ROBO2: variants seen among roughly 807,000 people sequenced by gnomAD.
ROBO2 encodes roundabout homolog 2.
ROBO2 carries 53 observed loss-of-function variants against 160.8 expected under a neutral mutation model. The observed-to-expected ratio is 0.33, with a 90% CI of 0.26 to 0.41. The LOEUF is 0.41. Ranked by LOEUF, ROBO2 falls within the 10% of genes least tolerant of loss-of-function variation. The pLI is 1.00. For missense variants in ROBO2, 1,577 were observed against 1,722.4 expected, an observed-to-expected ratio of 0.92 and a Z score of 1.49; for synonymous variants, 664 against 611.7, an observed-to-expected ratio of 1.09 and a Z score of -1.26.
At chr3:76,362,299 G>T (rs1376741764) in intron 2 of ROBO2, among the ~76,000 whole-genome samples, 1 of 152,034 alleles carries the variant, frequency 6.6e-6, no homozygotes, top group Admixed American at 6.6e-5. Flanking sequence ...GGGATGTTGA[G>T]GCTGCTGTGA....
intron 2 of ROBO2, among the ~76,000 whole-genome samples, chr3:76,361,310 A>G (rs1402195909): frequency 6.6e-6 from 1 of 152,048 alleles, no homozygotes; most frequent in African/African-American, 2.4e-5. Context: ...TGCTTTTCCA[A>G]CTTAAATGAT....
At chr3:77,474,042 T>C (rs945079841) in intron 2 of ROBO2, among the ~76,000 whole-genome samples, 1 of 152,134 alleles carries the variant, frequency 6.6e-6, no homozygotes, top group Admixed American at 6.5e-5. Flanking sequence ...CCATTACCTC[T>C]GGCCCCTTCC....
At chr3:76,566,287 G>A (rs778912777) in intron 2 of ROBO2, among the ~76,000 whole-genome samples, 6 of 152,144 alleles carry the variant, frequency 3.9e-5, no homozygotes, top group Non-Finnish European at 7.3e-5. Context: ...AATAAACAGA[G>A]GGTTTCTAAA....
chr3:75,911,129 C>T (rs1946562857), intron 1 of ROBO2, among the ~76,000 whole-genome samples: 1 of 151,934 alleles, frequency 6.6e-6, no homozygotes, highest in Non-Finnish European at 1.5e-5. Flanking sequence ...TCAAAATTTG[C>T]AACCAAATAG....
chr3:77,321,155 T>C (rs1234999765), intron 2 of ROBO2, among the ~76,000 whole-genome samples: 1 of 151,626 alleles, frequency 6.6e-6, no homozygotes, highest in Non-Finnish European at 1.5e-5. Context: ...ATCAAAGGAG[T>C]GTGAAGGAAT....
At chr3:76,025,926 T>A (rs971446550) in intron 2 of ROBO2, among the ~76,000 whole-genome samples, 2 of 151,852 alleles carry the variant, frequency 1.3e-5, no homozygotes, top group African/African-American at 2.4e-5. Flanking sequence ...CTACATGAGC[T>A]CTACCATCCT....
chr3:76,079,796 T>C (rs948398557), intron 2 of ROBO2, among the ~76,000 whole-genome samples: 1 of 151,538 alleles, frequency 6.6e-6, no homozygotes, highest in African/African-American at 2.4e-5. Flanking sequence ...TCTGACTAAG[T>C]AGGCAGAAAT....
At chr3:76,087,379 A>G (rs1342203890) in intron 2 of ROBO2, among the ~76,000 whole-genome samples, 1 of 152,090 alleles carries the variant, frequency 6.6e-6, no homozygotes, top group Non-Finnish European at 1.5e-5. Flanking sequence ...TAATTTCTTG[A>G]TAGAAATAAA....
chr3:76,833,377 G>A (rs1265355352), intron 2 of ROBO2, among the ~76,000 whole-genome samples: 1 of 152,120 alleles, frequency 6.6e-6, no homozygotes, highest in African/African-American at 2.4e-5. Flanking sequence ...TTACCACAAG[G>A]TGTCAGATAT....
At chr3:76,365,386 A>G (rs755763614) in intron 2 of ROBO2, among the ~76,000 whole-genome samples, 10 of 152,092 alleles carry the variant, frequency 6.6e-5, no homozygotes, top group Non-Finnish European at 1.2e-4. Context: ...GGTAACAATC[A>G]TGTTTTGAAA....
chr3:76,887,444 A>G (rs1299418593), intron 2 of ROBO2, among the ~76,000 whole-genome samples: 1 of 151,882 alleles, frequency 6.6e-6, no homozygotes, highest in Non-Finnish European at 1.5e-5. Context: ...ACCCTTTTTC[A>G]GAGGATCATT....
chr3:76,461,911 CA>C (rs1042704070), intron 2 of ROBO2, among the ~76,000 whole-genome samples: 1 of 152,068 alleles, frequency 6.6e-6, no homozygotes, highest in African/African-American at 2.4e-5. Context: ...AGAATAAGAG[CA>C]AAAACTTTAA....
intron 2 of ROBO2, among the ~76,000 whole-genome samples, chr3:76,644,450 C>T (rs1018144835): frequency 1.1e-4 from 17 of 152,292 alleles, no homozygotes; most frequent in African/African-American, 3.6e-4. Context: ...CTCTATCTTG[C>T]GCTGGGCCCT....
chr3:76,446,476 A>T (rs1036142769), intron 2 of ROBO2, among the ~76,000 whole-genome samples: 8 of 152,128 alleles, frequency 5.3e-5, no homozygotes, highest in Admixed American at 1.3e-4. Context: ...CAAGGTAATT[A>T]ATAGATTCAA....
chr3:77,572,293 A>T (rs980950153), intron 13 of ROBO2, among the ~76,000 whole-genome samples: 1 of 152,020 alleles, frequency 6.6e-6, no homozygotes. Flanking sequence ...ATATACTGCA[A>T]GGGTTTTTTT....
intron 2 of ROBO2, among the ~76,000 whole-genome samples, chr3:77,229,269 T>C (rs919262361): frequency 6.6e-6 from 1 of 152,068 alleles, no homozygotes; most frequent in Non-Finnish European, 1.5e-5. Flanking sequence ...ATTACTACTA[T>C]TACTATACTC....
At chr3:76,356,877 A>G (rs1267675720) in intron 2 of ROBO2, among the ~76,000 whole-genome samples, 1 of 151,912 alleles carries the variant, frequency 6.6e-6, no homozygotes, top group African/African-American at 2.4e-5. Flanking sequence ...ATGTGTTGAT[A>G]AATTTCAAGA....
intron 2 of ROBO2, among the ~76,000 whole-genome samples, chr3:76,871,777 T>C (rs1206183621): frequency 6.6e-6 from 1 of 152,146 alleles, no homozygotes; most frequent in Non-Finnish European, 1.5e-5. Flanking sequence ...GGAAACCCAC[T>C]GGCTGGCTAA....
chr3:76,922,097 G>A (rs937406564), intron 2 of ROBO2, among the ~76,000 whole-genome samples: 1 of 152,128 alleles, frequency 6.6e-6, no homozygotes, highest in Admixed American at 6.5e-5. Flanking sequence ...AGATCAAGAG[G>A]TCAGGAGATC....
Sources: allele counts gnomAD v4.1 joint callset (sites outside exome capture counted in the v4.1 genomes callset), GRCh38; gene constraint gnomAD v4.1.1; transcripts MANE v1.5; gene names NCBI Gene and HGNC (gene_info 2026-07-23, HGNC 2026-07-21).